Variants in ARID2 observed in about 807,000 individuals in gnomAD.
ARID2 encodes the protein AT-rich interaction domain 2.
Under a neutral mutation model 184.6 loss-of-function variants are expected in ARID2, and 32 were observed. The observed-to-expected ratio is 0.17, with a 90% CI of 0.13 to 0.23. ARID2 has a LOEUF of 0.23. Ranked by LOEUF, ARID2 falls within the 10% of genes least tolerant of loss-of-function variation. The probability of loss-of-function intolerance (pLI) is 1.00; values close to 1 mark genes in which losing one functional copy is unlikely to be tolerated. For missense variants in ARID2, 1,696 were observed against 2,197.6 expected (o/e 0.77, Z 4.56); for synonymous variants, 836 against 772.6 (o/e 1.08, Z -1.36).
intron 3 of ARID2, among the ~76,000 whole-genome samples, chr12:45,799,334 A>G (rs1426319047): frequency 6.6e-6 from 1 of 152,134 alleles, no homozygotes; most frequent in Non-Finnish European, 1.5e-5. Flanking sequence ...GTTTATTTTG[A>G]TACTTGCTTT....
chr12:45,803,768 G>A (rs770835873), intron 3 of ARID2, among the ~76,000 whole-genome samples: 1 of 152,130 alleles, frequency 6.6e-6, no homozygotes, highest in Non-Finnish European at 1.5e-5. Context: ...ATTCAAACTG[G>A]TTTCTTTGGA....
intron 15 of ARID2, among the ~76,000 whole-genome samples, chr12:45,857,948 C>A (rs1240533184): frequency 6.6e-6 from 1 of 152,102 alleles, no homozygotes; most frequent in African/African-American, 2.4e-5. Context: ...TCTGTAGAGA[C>A]CAGGTTTTGC....
intron 3 of ARID2, among the ~76,000 whole-genome samples, chr12:45,756,314 A>G (rs1194603110): frequency 6.6e-6 from 1 of 152,210 alleles, no homozygotes; most frequent in Non-Finnish European, 1.5e-5. Flanking sequence ...AGTGGGGAGA[A>G]TTATCTACTG....
At chr12:45,777,444 A>G (rs1178579292) in intron 3 of ARID2, among the ~76,000 whole-genome samples, 3 of 152,150 alleles carry the variant, frequency 2.0e-5, no homozygotes, top group East Asian at 1.9e-4. Context: ...AGAAGATACA[A>G]TCACATTAAA....
chr12:45,816,852 A>G (rs2138090604), intron 4 of ARID2, among the ~76,000 whole-genome samples: 1 of 152,346 alleles, frequency 6.6e-6, no homozygotes, highest in African/African-American at 2.4e-5. Context: ...ATGATAGGAA[A>G]GTAAATTTGA....
chr12:45,866,381 T>C (rs961469598), intron 16 of ARID2, among the ~76,000 whole-genome samples: 1 of 152,190 alleles, frequency 6.6e-6, no homozygotes, highest in African/African-American at 2.4e-5. Context: ...ATATTAAGGG[T>C]ATTTAGGATT....
At chr12:45,767,529 C>G (rs1012750725) in intron 3 of ARID2, among the ~76,000 whole-genome samples, 1 of 152,090 alleles carries the variant, frequency 6.6e-6, no homozygotes, top group Non-Finnish European at 1.5e-5. Flanking sequence ...CAGGTCACCA[C>G]AAATAGCAAC....
In ARID2 at chr12:45,851,950, C is replaced by T. The variant is rs1943559468; in HGVS notation, c.3827C>T (p.Thr1276Ile). The part of the protein sequence containing the change: ...MENPSCRRGA[T>I]NTSNGDTKEN... The stretch of plus-strand genomic sequence containing the variant: ...AACCCGTCCTGCCGACGAGGAGCCA[C>T]AAACACCAGCAATGGGGATACAAAG... The change falls in exon 15 of 21, where the codon ACA (threonine) becomes ATA (isoleucine). Residue 1276 changes from threonine (T) to isoleucine (I), a missense_variant. Coordinates refer to ENST00000334344, the MANE Select transcript of ARID2 (RefSeq NM_152641.4). The T allele has an allele frequency of 6.2e-7, 1 of 1,613,082 alleles. No individual in the cohort carries two copies. The highest frequency in any genetic ancestry group is 1.3e-5 in the African/African-American group (1 of 74,912).
In ARID2 at chr12:45,906,696, T is replaced by A. The variant is rs1944534796; in HGVS notation, c.*1618T>A. On this transcript the variant is annotated 3_prime_UTR_variant, in exon 21 of 21. Transcript: ENST00000334344. The stretch of plus-strand genomic sequence containing the variant: ...TAGAGAACAAATAAGAGAGGTCCTT[T>A]ACATGACAAATTTGCATGAAATAAG... 4.3e-6 allele frequency: 1 copy of A among 232,092 alleles called. No homozygotes were observed. Among genetic ancestry groups the A allele is most frequent in the Admixed American group, 5.6e-5 (1 of 17,742 alleles). The allele number at this position is 232,092 out of a possible 1,614,324, so 14.4% of individuals were successfully genotyped here. A position where few individuals can be genotyped will look rare whatever the true frequency, so the allele number is the denominator to read the frequency against.
rs1943505965 is a variant in ARID2, at chr12:45,849,706, G to A, written c.1842G>A (p.Gln614=). ...IPLPIQMYYQ[Q]QPVSTSVVRV... ...TTCCCATTCAGATGTACTATCAGCAGCAACCAGTTTCTACTTCTGTTGTTC... is the reference window on the plus strand; with the variant it reads ...TTCCCATTCAGATGTACTATCAGCAACAACCAGTTTCTACTTCTGTTGTTC... Residue 614 remains glutamine (Q), a synonymous_variant, in exon 14 of 21, where the codon CAG becomes CAA. Transcript: ENST00000334344. 4.3e-6 allele frequency: 7 copies of A among 1,613,686 alleles called. No individual in the cohort carries two copies. Among genetic ancestry groups the A allele is most frequent in the East Asian group, 2.2e-5 (1 of 44,880 alleles).
intron 20 of ARID2, among the ~76,000 whole-genome samples, chr12:45,903,166 A>G (rs1398902304): frequency 6.6e-6 from 1 of 152,154 alleles, no homozygotes; most frequent in African/African-American, 2.4e-5. Context: ...TTTCAGCATT[A>G]TATTTTTGAG....
chr12:45,822,604 A>G (rs1457887822), intron 6 of ARID2, among the ~76,000 whole-genome samples: 6 of 152,166 alleles, frequency 3.9e-5, no homozygotes, highest in South Asian at 4.1e-4. Context: ...GTTTTAGGGA[A>G]CTACTTTATT....
In ARID2 at chr12:45,782,105, A is replaced by G. The variant is rs1942102985; in HGVS notation, c.285-29313A>G. ...GTAAGTTTTTTTTAAAAAAGAGAGT[A>G]GATTTAAAAAGATGACTTGTGAGAA... On this transcript the variant is annotated intron_variant, in intron 3 of 20. Coordinates refer to ENST00000334344, the MANE Select transcript of ARID2 (RefSeq NM_152641.4). Among the ~76,000 whole-genome samples, 2 of 152,172 alleles carry G rather than the reference A, an allele frequency of 1.3e-5. 1 individual carries two copies. Among genetic ancestry groups the G allele is most frequent in the South Asian group, 4.1e-4 (2 of 4,828 alleles).
chr12:45,782,800 G>T (rs1942121071), intron 3 of ARID2, among the ~76,000 whole-genome samples: 1 of 151,630 alleles, frequency 6.6e-6, no homozygotes, highest in African/African-American at 2.4e-5. Flanking sequence ...GAAACCTCAG[G>T]GAAAAAAACT....
intron 16 of ARID2, among the ~76,000 whole-genome samples, chr12:45,870,332 G>A (rs1398291741): frequency 6.6e-6 from 1 of 152,032 alleles, no homozygotes; most frequent in Admixed American, 6.6e-5. Flanking sequence ...TGGAAAAATC[G>A]AGCAGACAGA....
intron 4 of ARID2, among the ~76,000 whole-genome samples, chr12:45,813,859 T>A (rs1460883359): frequency 1.3e-5 from 2 of 152,142 alleles, no homozygotes; most frequent in Admixed American, 6.5e-5. Context: ...TACATGGTGG[T>A]TTTTATCATT....
intron 6 of ARID2, among the ~76,000 whole-genome samples, chr12:45,832,374 G>T (rs901910031): frequency 6.6e-6 from 1 of 151,856 alleles, no homozygotes; most frequent in East Asian, 1.9e-4. Context: ...TTTTACTTGG[G>T]GTTCATTTAG....
At chr12:45,765,233 G>T (rs963666135) in intron 3 of ARID2, among the ~76,000 whole-genome samples, 6 of 151,358 alleles carry the variant, frequency 4.0e-5, no homozygotes, top group Non-Finnish European at 8.8e-5. Context: ...TTTGAGACAA[G>T]GTCTCTCTCT....
At chr12:45,730,337 C>T (rs1299880468) in intron 2 of ARID2, among the ~76,000 whole-genome samples, 200 bp downstream of exon 2, 2 of 146,434 alleles carry the variant, frequency 1.4e-5, no homozygotes, top group South Asian at 2.1e-4. Context: ...GCGGCGGGCG[C>T]GGGGCTCCGG....
Sources: gnomAD v4.1 joint callset for allele counts (sites outside exome capture counted in the v4.1 genomes callset) on GRCh38, gnomAD v4.1.1 for gene constraint, MANE v1.5 for transcripts, NCBI Gene and HGNC (gene_info 2026-07-23, HGNC 2026-07-21) for gene names.